The following DUSP22 variants were observed in gnomAD, a reference collection of about 807,000 sequenced individuals.
The protein encoded by DUSP22 is dual specificity phosphatase 22, also known as dual specificity protein phosphatase 22.
In DUSP22, 24 loss-of-function variants were observed where a neutral mutation model predicts 24.5. That is an observed-to-expected ratio of 0.98 (90% CI 0.71 to 1.38). The LOEUF is 1.38. Among genes scored for constraint, DUSP22 ranks in the 40% most tolerant of loss-of-function variants. The pLI is 0.00. For missense variants in DUSP22, 330 were observed against 269.2 expected (o/e 1.23, Z -1.58); for synonymous variants, 160 against 106.4 (o/e 1.50, Z -3.10).
chr6:315,575 T>C (rs566849748), intron 3 of DUSP22, among the ~76,000 whole-genome samples: 1 of 152,406 alleles, frequency 6.6e-6, no homozygotes, highest in East Asian at 1.9e-4. Flanking sequence ...TGAAAAAGGT[T>C]GTGCTATTTG....
At chr6:296,563 C>G (rs1410367910) in intron 1 of DUSP22, among the ~76,000 whole-genome samples, 1 of 151,038 alleles carries the variant, frequency 6.6e-6, no homozygotes, top group African/African-American at 2.5e-5. Context: ...CCTTTGAAAA[C>G]TCCTAGTTGA....
chr6:313,744 A>T (rs1018021709), intron 3 of DUSP22, among the ~76,000 whole-genome samples: 3 of 152,310 alleles, frequency 2.0e-5, no homozygotes, highest in African/African-American at 7.2e-5. Context: ...ATAATGTATT[A>T]GTATTGCCCC....
At chr6:332,492 G>A (rs1280390055) in intron 3 of DUSP22, among the ~76,000 whole-genome samples, 1 of 152,302 alleles carries the variant, frequency 6.6e-6, no homozygotes, top group African/African-American at 2.4e-5. Context: ...AGCCTGAGTT[G>A]GTCCTTTTGC....
chr6:346,295 T>G (rs968008802), intron 5 of DUSP22, among the ~76,000 whole-genome samples: 1 of 152,306 alleles, frequency 6.6e-6, no homozygotes, highest in Non-Finnish European at 1.5e-5. Flanking sequence ...CCTCAGTGGC[T>G]TTTTGAAGAC....
intron 1 of DUSP22, among the ~76,000 whole-genome samples, chr6:302,585 C>T (rs1243731583): frequency 1.3e-5 from 2 of 152,306 alleles, no homozygotes; most frequent in Non-Finnish European, 2.9e-5. Context: ...GGCCCTGTCT[C>T]TCTCAGTCAC....
At chr6:295,956 G>C (rs9503190) in intron 1 of DUSP22, among the ~76,000 whole-genome samples, 1 of 152,286 alleles carries the variant, frequency 6.6e-6, no homozygotes, top group African/African-American at 2.4e-5. Context: ...GGTAGCATAA[G>C]TAATGCCAGG....
intron 3 of DUSP22, among the ~76,000 whole-genome samples, chr6:331,306 C>A (rs1233972475): frequency 6.6e-6 from 1 of 152,298 alleles, no homozygotes; most frequent in Non-Finnish European, 1.5e-5. Flanking sequence ...TTTATCTTTA[C>A]TTTTTCAAAT....
rs554868964 is a variant in DUSP22 at position 311,033 on chromosome 6, G to A, written c.56-847G>A. Among the ~76,000 whole-genome samples, 10 of 152,426 alleles carry A rather than the reference G, an allele frequency of 6.6e-5. No homozygotes were observed. The East Asian group carries it at 7.7e-4, about 12-fold the overall frequency. On this transcript the variant is annotated intron_variant, in intron 2 of 6. Coordinates refer to ENST00000419235, the MANE Select transcript of DUSP22 (RefSeq NM_001286555.3). ...TTCAGGTTGCCTTGGGGAGTGCCCC[G>A]GAGAGTAAAATAGGGGCTCAAGTTT...
chr6:318,850 A>G (rs1758450164), intron 3 of DUSP22, among the ~76,000 whole-genome samples: 1 of 152,298 alleles, frequency 6.6e-6, no homozygotes, highest in Non-Finnish European at 1.5e-5. Flanking sequence ...ATCCATATTA[A>G]GGAATACTCG....
intron 1 of DUSP22, among the ~76,000 whole-genome samples, chr6:298,701 G>A (rs1237365358): frequency 5.9e-5 from 9 of 152,300 alleles, no homozygotes; most frequent in Admixed American, 1.3e-4. Context: ...ATGCCCAGAC[G>A]GTCTTGTAAC....
intron 3 of DUSP22, among the ~76,000 whole-genome samples, chr6:314,988 T>C (rs1194642420): frequency 3.3e-5 from 5 of 152,308 alleles, no homozygotes; most frequent in African/African-American, 1.2e-4. Context: ...GGTACTGTTA[T>C]CAGGCCTTCA....
At chr6:301,631 T>C (rs1757585206) in intron 1 of DUSP22, among the ~76,000 whole-genome samples, 1 of 152,298 alleles carries the variant, frequency 6.6e-6, no homozygotes, top group Non-Finnish European at 1.5e-5. Context: ...TGCGCAAGGC[T>C]GAGGAGGGAG....
intron 3 of DUSP22, among the ~76,000 whole-genome samples, chr6:334,193 G>A (rs960813348): frequency 2.0e-5 from 3 of 152,306 alleles, no homozygotes; most frequent in African/African-American, 4.8e-5. Flanking sequence ...TCCAGTGTCT[G>A]ATGTGTACCC....
rs2797326 is a variant in DUSP22 at position 322,835 on chromosome 6, C to A, written c.138+10873C>A. 4.3e-3 allele frequency among the ~76,000 whole-genome samples: 308 copies of A among 72,356 alleles called. 2 individuals carry two copies. Among genetic ancestry groups the A allele is most frequent in the Non-Finnish European group, 6.8e-3 (227 of 33,284 alleles). 47.5% of individuals were successfully genotyped at this position (72,356 alleles called of 152,430 possible). ...CGTGGGTTATGGCTGCTTGGTGGGG[C>A]GGGGGGGGGCCTTCGAGTCTGCAAT... On this transcript the variant is annotated intron_variant, in intron 3 of 6. Transcript: ENST00000419235.
At chr6:308,970 G>C (rs1757947897) in intron 2 of DUSP22, among the ~76,000 whole-genome samples, 2 of 152,308 alleles carry the variant, frequency 1.3e-5, no homozygotes, top group South Asian at 4.1e-4. Context: ...GGTTCTGTGA[G>C]CGCTGAAGCT....
At chr6:320,755 G>A (rs2127403556) in intron 3 of DUSP22, among the ~76,000 whole-genome samples, 1 of 152,408 alleles carries the variant, frequency 6.6e-6, no homozygotes, top group East Asian at 1.9e-4. Context: ...AGTGCTTCAG[G>A]GCAGGTCAGG....
chr6:297,453 G>A (rs538081958), intron 1 of DUSP22, among the ~76,000 whole-genome samples: 29 of 152,418 alleles, frequency 1.9e-4, no homozygotes, highest in African/African-American at 6.7e-4. Context: ...ATAATTCAAA[G>A]AGAATATGTT....
chr6:340,591 A>G (rs1258698102), intron 4 of DUSP22, among the ~76,000 whole-genome samples: 2 of 152,308 alleles, frequency 1.3e-5, no homozygotes, highest in Non-Finnish European at 2.9e-5. Flanking sequence ...TAGATTTCTT[A>G]TATATAAGGA....
chr6:312,437 C>CT (rs1408587801), intron 3 of DUSP22, among the ~76,000 whole-genome samples: 1 of 151,958 alleles, frequency 6.6e-6, no homozygotes, highest in Non-Finnish European at 1.5e-5. Context: ...TGTGGAGACT[C>CT]TCGGTGTAGA....
Sources: allele counts gnomAD v4.1 joint callset (sites outside exome capture counted in the v4.1 genomes callset), GRCh38; gene constraint gnomAD v4.1.1; transcripts MANE v1.5; gene names NCBI Gene and HGNC (gene_info 2026-07-23, HGNC 2026-07-21).